Variants in ALDH1A2 observed in about 807,000 individuals in gnomAD.
ALDH1A2 encodes retinal dehydrogenase 2.
Under a neutral mutation model 60.3 loss-of-function variants are expected in ALDH1A2, and 27 were observed. The ratio of observed to expected loss-of-function variants is 0.45; its 90% CI spans 0.33 to 0.62. The LOEUF (loss-of-function observed/expected upper bound fraction) is 0.62. ALDH1A2 is among the 20% of genes least tolerant of loss of function. The pLI, the probability that ALDH1A2 is intolerant of heterozygous loss-of-function variation, is 0.02. For synonymous variants in ALDH1A2, 289 were observed against 232.4 expected (o/e 1.24, Z -2.21); for missense variants, 581 against 643.8 (o/e 0.90, Z 1.06).
At chr15:58,006,121 G>T (rs1330200503) in intron 4 of ALDH1A2, among the ~76,000 whole-genome samples, 2 of 151,556 alleles carry the variant, frequency 1.3e-5, no homozygotes, top group Non-Finnish European at 2.9e-5. Context: ...TGGTGCATCT[G>T]TCACCTGGGT....
At chr15:58,042,108 T>C (rs1440646809) in intron 1 of ALDH1A2, among the ~76,000 whole-genome samples, 1 of 151,962 alleles carries the variant, frequency 6.6e-6, no homozygotes, top group African/African-American at 2.4e-5. Context: ...TCAAATCCTA[T>C]ATTAAAACTA....
chr15:57,984,913 G>T (rs1209258619), intron 7 of ALDH1A2, among the ~76,000 whole-genome samples: 1 of 152,160 alleles, frequency 6.6e-6, no homozygotes, highest in Non-Finnish European at 1.5e-5. Flanking sequence ...TTACTATGGA[G>T]TATTACATTG....
chr15:57,956,287 C>A, intron 12 of ALDH1A2, among the ~76,000 whole-genome samples: 1 of 152,118 alleles, frequency 6.6e-6, no homozygotes, highest in East Asian at 1.9e-4. Context: ...GTCATATCTT[C>A]TAGATCAGGA....
At chr15:58,041,017 A>C (rs138259023) in intron 1 of ALDH1A2, among the ~76,000 whole-genome samples, 245 of 152,040 alleles carry the variant, frequency 1.6e-3, no homozygotes, top group African/African-American at 5.7e-3. Flanking sequence ...CTAGTATGTG[A>C]AACAGGGTGG....
At chr15:58,003,484 T>C (rs1383428539) in intron 4 of ALDH1A2, among the ~76,000 whole-genome samples, 3 of 151,972 alleles carry the variant, frequency 2.0e-5, no homozygotes, top group African/African-American at 7.2e-5. Context: ...AAGTTATATA[T>C]GACCTGGGTA....
intron 7 of ALDH1A2, among the ~76,000 whole-genome samples, chr15:57,983,302 T>C (rs762163281): frequency 6.6e-6 from 1 of 152,226 alleles, no homozygotes; most frequent in Admixed American, 6.5e-5. Context: ...GTTGATTATC[T>C]GCCAATATCA....
intron 1 of ALDH1A2, among the ~76,000 whole-genome samples, chr15:58,046,591 G>A (rs1414730950): frequency 6.6e-6 from 1 of 152,028 alleles, no homozygotes; most frequent in African/African-American, 2.4e-5. Flanking sequence ...TCCTGAGCAA[G>A]CTATTAAACT....
intron 5 of ALDH1A2, among the ~76,000 whole-genome samples, chr15:57,993,445 C>T (rs1894959669): frequency 6.6e-6 from 1 of 152,110 alleles, no homozygotes; most frequent in African/African-American, 2.4e-5. Flanking sequence ...ATTTTTACAT[C>T]ACAATTTTCA....
At chr15:57,968,104 C>T (rs1047798230) in intron 7 of ALDH1A2, among the ~76,000 whole-genome samples, 3 of 152,122 alleles carry the variant, frequency 2.0e-5, no homozygotes, top group Non-Finnish European at 4.4e-5. Flanking sequence ...TGTGCTTGCT[C>T]GCTCCACTCT....
At chr15:58,049,447 T>C (rs757507352) in intron 1 of ALDH1A2, among the ~76,000 whole-genome samples, 23 of 152,140 alleles carry the variant, frequency 1.5e-4, no homozygotes, top group Non-Finnish European at 3.1e-4. Flanking sequence ...TAACATAGTA[T>C]GCACTGAGAC....
chr15:58,003,415 A>G (rs1479463913), intron 4 of ALDH1A2, among the ~76,000 whole-genome samples: 1 of 151,928 alleles, frequency 6.6e-6, no homozygotes, highest in Non-Finnish European at 1.5e-5. Context: ...CTGAATCACT[A>G]TCTTTGTGTA....
At chr15:58,057,863 T>C (rs1896935737) in intron 1 of ALDH1A2, 1 of 313,470 alleles carries the variant, frequency 3.2e-6, no homozygotes, top group Non-Finnish European at 5.5e-6. Context: ...AATGAATACA[T>C]AAATTCAGGG....
At chr15:57,980,116 G>A in intron 7 of ALDH1A2, 1 of 298,722 alleles carries the variant, frequency 3.3e-6, no homozygotes, top group South Asian at 3.5e-5. Context: ...TGCCCAACTG[G>A]CTGGTACATT....
chr15:57,963,858 C>A (rs757308536), intron 9 of ALDH1A2, 27 bp downstream of exon 9: 6 of 1,613,440 alleles, frequency 3.7e-6, no homozygotes, highest in Admixed American at 3.3e-5. Flanking sequence ...ATTAAGTAAA[C>A]AAAGGGAATG....
intron 1 of ALDH1A2, among the ~76,000 whole-genome samples, chr15:58,028,916 T>G (rs529201056): frequency 2.0e-5 from 3 of 152,254 alleles, no homozygotes; most frequent in Admixed American, 2.0e-4. Context: ...CTTAGAGACC[T>G]ACAAAGAGAC....
intron 11 of ALDH1A2, 39 bp downstream of exon 11, chr15:57,961,098 C>A: frequency 6.2e-7 from 1 of 1,611,156 alleles, no homozygotes; most frequent in Non-Finnish European, 8.5e-7. Flanking sequence ...GTCCCTATAC[C>A]ACCAGTGGAA....
At chr15:57,961,444 G>C in intron 10 of ALDH1A2, 150 bp from the exon 11 acceptor site, 2 of 1,018,910 alleles carry the variant, frequency 2.0e-6, no homozygotes, top group Non-Finnish European at 2.9e-6. Flanking sequence ...CCTTTCCTAG[G>C]ATAAGATTAT....
At chr15:58,047,639 C>G (rs1163267417) in intron 1 of ALDH1A2, among the ~76,000 whole-genome samples, 2 of 151,592 alleles carry the variant, frequency 1.3e-5, no homozygotes, top group Non-Finnish European at 2.9e-5. Context: ...AAAAATTAGC[C>G]CCAACTTTTT....
intron 1 of ALDH1A2, chr15:58,036,643 C>T (rs902198129): frequency 6.6e-6 from 1 of 151,548 alleles, no homozygotes; most frequent in Non-Finnish European, 1.5e-5. Flanking sequence ...ATACTAAAGG[C>T]CTCTTCTGAG....
Sources: allele counts gnomAD v4.1 joint callset (sites outside exome capture counted in the v4.1 genomes callset), GRCh38; gene constraint gnomAD v4.1.1; transcripts MANE v1.5; gene names NCBI Gene and HGNC (gene_info 2026-07-23, HGNC 2026-07-21).